CNBD1: variants seen among roughly 807,000 people sequenced by gnomAD.
CNBD1 encodes the protein cyclic nucleotide binding domain containing 1.
Under a neutral mutation model 54.4 loss-of-function variants are expected in CNBD1, and 71 were observed. The ratio of observed to expected loss-of-function variants is 1.30; its 90% CI spans 1.08 to 1.59. The LOEUF is 1.59. CNBD1 is among the 40% of genes most tolerant of loss of function. CNBD1 has a pLI of 0.00. For missense variants in CNBD1, 659 were observed against 518.0 expected (o/e 1.27, Z -2.64); for synonymous variants, 182 against 170.7 (o/e 1.07, Z -0.51).
chr8:87,336,345 G>C (rs1435613212), intron 8 of CNBD1, among the ~76,000 whole-genome samples: 1 of 151,984 alleles, frequency 6.6e-6, no homozygotes, highest in Non-Finnish European at 1.5e-5. Flanking sequence ...GTTAGTTGTA[G>C]GTTCAGTCTT....
intron 4 of CNBD1, among the ~76,000 whole-genome samples, chr8:86,966,939 T>C (rs781527429): frequency 2.6e-5 from 4 of 152,198 alleles, no homozygotes; most frequent in African/African-American, 7.2e-5. Flanking sequence ...TACAGAGAGC[T>C]GATCAGTCCA....
intron 4 of CNBD1, among the ~76,000 whole-genome samples, chr8:87,086,045 A>C (rs976468014): frequency 6.6e-6 from 1 of 151,894 alleles, no homozygotes; most frequent in African/African-American, 2.4e-5. Flanking sequence ...CAGGTCTTTT[A>C]GTGAGGGAGC....
At chr8:87,420,389 G>GA (rs1361356524) in intron 2 of CNBD1, among the ~76,000 whole-genome samples, 1 of 152,016 alleles carries the variant, frequency 6.6e-6, no homozygotes, top group Non-Finnish European at 1.5e-5. Context: ...CAAAGAAAAG[G>GA]AAACAATCAT....
chr8:86,963,077 C>T (rs73271730), intron 4 of CNBD1, among the ~76,000 whole-genome samples: 2,815 of 152,214 alleles, frequency 0.018, 82 homozygotes, highest in African/African-American at 0.062. Context: ...CTCTTCCTAG[C>T]GAATACCCGG....
At chr8:87,375,628 G>A (rs965882140) in intron 10 of CNBD1, among the ~76,000 whole-genome samples, 2 of 151,728 alleles carry the variant, frequency 1.3e-5, no homozygotes, top group Non-Finnish European at 2.9e-5. Context: ...TGGAATATTG[G>A]TATAGAAACC....
At chr8:87,129,068 T>TGAAAAAAAAAAAAAAA in intron 4 of CNBD1, among the ~76,000 whole-genome samples, 1 of 1,236 alleles carries the variant, frequency 8.1e-4, no homozygotes, top group Non-Finnish European at 2.3e-3. Flanking sequence ...AGACTCTGCC[T>TGAAAAAAAAAAAAAAA]CAAAAAAAAA....
intron 8 of CNBD1, among the ~76,000 whole-genome samples, chr8:87,297,666 A>G (rs1470993972): frequency 6.6e-6 from 1 of 151,916 alleles, no homozygotes; most frequent in Non-Finnish European, 1.5e-5. Flanking sequence ...ATTTGTCTGT[A>G]ATCACACATT....
chr8:87,422,623 A>T (rs1288277471), intron 2 of CNBD1, among the ~76,000 whole-genome samples: 1 of 152,174 alleles, frequency 6.6e-6, no homozygotes, highest in Admixed American at 6.5e-5. Context: ...GTTTTGTTCC[A>T]TTGATCTATA....
At chr8:86,922,850 G>A (rs1809297714) in intron 3 of CNBD1, among the ~76,000 whole-genome samples, 1 of 152,080 alleles carries the variant, frequency 6.6e-6, no homozygotes, top group Admixed American at 6.6e-5. Context: ...CAGGAGTGAA[G>A]AAATTCAGAG....
At chr8:87,201,120 A>G (rs540423490) in intron 4 of CNBD1, among the ~76,000 whole-genome samples, 9 of 152,336 alleles carry the variant, frequency 5.9e-5, no homozygotes, top group African/African-American at 2.2e-4. Flanking sequence ...GTAATATACC[A>G]TATTATTAGA....
intron 4 of CNBD1, among the ~76,000 whole-genome samples, chr8:87,028,688 C>T (rs895103258): frequency 9.2e-5 from 14 of 152,160 alleles, no homozygotes; most frequent in African/African-American, 3.4e-4. Context: ...TGCAGGGGGC[C>T]TGATGTCTCA....
intron 8 of CNBD1, among the ~76,000 whole-genome samples, chr8:87,331,009 T>C (rs1423873329): frequency 6.6e-6 from 1 of 152,224 alleles, no homozygotes; most frequent in Non-Finnish European, 1.5e-5. Context: ...ATTATTGATA[T>C]AGTTGCTCTA....
chr8:87,125,407 G>C (rs1172994995), intron 4 of CNBD1, among the ~76,000 whole-genome samples: 1 of 151,666 alleles, frequency 6.6e-6, no homozygotes, highest in African/African-American at 2.4e-5. Context: ...AATCAAAATA[G>C]CATGGCGCCT....
intron 6 of CNBD1, among the ~76,000 whole-genome samples, chr8:87,243,658 C>T (rs896490547): frequency 5.9e-5 from 9 of 151,850 alleles, no homozygotes; most frequent in African/African-American, 2.2e-4. Flanking sequence ...TAATATGCAA[C>T]ACAACTACTA....
At chr8:87,399,422 G>A (rs1807507701) in intron 2 of CNBD1, among the ~76,000 whole-genome samples, 1 of 151,876 alleles carries the variant, frequency 6.6e-6, no homozygotes, top group South Asian at 2.1e-4. Flanking sequence ...ACATTATGAA[G>A]GAAATCACTT....
intron 2 of CNBD1, among the ~76,000 whole-genome samples, chr8:87,407,959 A>G (rs931498435): frequency 6.6e-6 from 1 of 151,882 alleles, no homozygotes; most frequent in East Asian, 1.9e-4. Flanking sequence ...ATTAGATGAG[A>G]TATTCTTAAT....
At chr8:87,185,989 T>C (rs922760425) in intron 4 of CNBD1, among the ~76,000 whole-genome samples, 1 of 152,140 alleles carries the variant, frequency 6.6e-6, no homozygotes, top group African/African-American at 2.4e-5. Flanking sequence ...CTTTATTTGT[T>C]CCTCGTTTCC....
intron 6 of CNBD1, among the ~76,000 whole-genome samples, chr8:87,275,587 C>T (rs1203308246): frequency 6.0e-5 from 9 of 151,006 alleles, no homozygotes; most frequent in Non-Finnish European, 8.9e-5. Context: ...ATAATAAGAG[C>T]TATCTGTGAC....
chr8:87,103,424 G>A (rs1276192448), intron 4 of CNBD1, among the ~76,000 whole-genome samples: 1 of 152,118 alleles, frequency 6.6e-6, no homozygotes, highest in Admixed American at 6.5e-5. Flanking sequence ...GATTGTATTA[G>A]TCTTTTCTCA....
Sources: allele counts gnomAD v4.1 joint callset (sites outside exome capture counted in the v4.1 genomes callset), GRCh38; gene constraint gnomAD v4.1.1; transcripts MANE v1.5; gene names NCBI Gene and HGNC (gene_info 2026-07-23, HGNC 2026-07-21).